NRBP2: variants seen among roughly 807,000 people sequenced by gnomAD.
NRBP2 encodes the protein nuclear receptor binding protein 2.
Under a neutral mutation model 74.4 loss-of-function variants are expected in NRBP2, and 47 were observed. The observed-to-expected ratio is 0.63, with a 90% CI of 0.50 to 0.81. The LOEUF (loss-of-function observed/expected upper bound fraction) is 0.81. Ranked by LOEUF, NRBP2 falls within the 30% of genes least tolerant of loss-of-function variation. The probability of loss-of-function intolerance (pLI) is 0.00; values close to 1 mark genes in which losing one functional copy is unlikely to be tolerated. For missense variants in NRBP2, 613 were observed against 690.1 expected, an observed-to-expected ratio of 0.89 and a Z score of 1.25; for synonymous variants, 312 against 273.8, an observed-to-expected ratio of 1.14 and a Z score of -1.38.
In NRBP2 at chr8:143,835,548, G is replaced by A. The variant is rs1363958342; in HGVS notation, c.*114C>T. 2.3e-6 allele frequency: 2 copies of A among 876,038 alleles called. No individual in the cohort carries two copies. Among genetic ancestry groups the A allele is most frequent in the Non-Finnish European group, 3.5e-6 (2 of 570,198 alleles). 54.3% of individuals were successfully genotyped at this position (876,038 alleles called of 1,614,324 possible). On this transcript the variant is annotated 3_prime_UTR_variant, in exon 18 of 18. Coordinates refer to ENST00000442628, the MANE Select transcript of NRBP2 (RefSeq NM_178564.4). This position sits in a 1 kb window ranked among gnomAD's most constrained non-coding sequence, Gnocchi z 4.9. Reference sequence around the variant, plus strand: ...AGACGGGGGGTTCCTTCACTACCGGGGCCTTTGTGCTCCCAGGCGCATGGA... The same window carrying A: ...AGACGGGGGGTTCCTTCACTACCGGAGCCTTTGTGCTCCCAGGCGCATGGA...
rs782807303 is a variant in NRBP2, at chr8:143,838,865, G to A, written c.744+18C>T. The A allele has an allele frequency of 6.2e-7, 1 of 1,613,380 alleles. No individual in the cohort carries two copies. The highest frequency in any genetic ancestry group is 8.5e-7 in the Non-Finnish European group (1 of 1,179,722). ...TTAGGAGGAGGGCAGAGCACAAGGT[G>A]GAGGGCGGGGGCAGTACCTCCAGCG... On this transcript the variant is annotated intron_variant, in intron 9 of 17. Coordinates refer to ENST00000442628, the MANE Select transcript of NRBP2 (RefSeq NM_178564.4).
Position 143,837,971 on chromosome 8 carries a change from T to C in NRBP2, c.841-216A>G. 1 of 712,866 alleles carries C rather than the reference T, an allele frequency of 1.4e-6. No individual in the cohort carries two copies. Among genetic ancestry groups the C allele is most frequent in the Non-Finnish European group, 2.5e-6 (1 of 395,534 alleles). 44.2% of individuals were successfully genotyped at this position (712,866 alleles called of 1,614,324 possible). A position where few individuals can be genotyped will look rare whatever the true frequency, so the allele number is the denominator to read the frequency against. On this transcript the variant is annotated intron_variant, in intron 10 of 17. Transcript: ENST00000442628. The surrounding 1 kb of genome is among the most constrained non-coding windows in gnomAD (Gnocchi z 4.3). The stretch of plus-strand genomic sequence containing the variant: ...GCTGGGTTCTGGGATTGGAGCACCA[T>C]GCTCTGCTTCCCTCGACCCCCAAAA...
rs1406327329 is a variant in NRBP2, at chr8:143,833,806, AG to A, written c.*1855del. ...TATGTATTTGCCACTGAAACCATTT[AG>A]AACCATGCATAATCAGACAGTTTAG... is the stretch of plus-strand genomic sequence containing the variant. On this transcript the variant is annotated 3_prime_UTR_variant, in exon 18 of 18. Coordinates refer to ENST00000442628, the MANE Select transcript of NRBP2 (RefSeq NM_178564.4). The A allele has an allele frequency of 6.6e-6, 1 of 152,254 alleles. No homozygotes were observed. The highest frequency in any genetic ancestry group is 1.5e-5 in the Non-Finnish European group (1 of 68,052). 9.4% of individuals were successfully genotyped at this position (152,254 alleles called of 1,614,324 possible).
In NRBP2 at chr8:143,840,423, G is replaced by T; in HGVS notation, c.130-194C>A. On this transcript the variant is annotated intron_variant, in intron 1 of 17. Coordinates refer to ENST00000442628, the MANE Select transcript of NRBP2 (RefSeq NM_178564.4). The surrounding 1 kb of genome is among the most constrained non-coding windows in gnomAD (Gnocchi z 5.7). ...TCCTATCCAAGGGCTGGGCTAAGGG[G>T]ATTTGGAGCAGGTTTCAGGGGGTCG... is the stretch of plus-strand genomic sequence containing the variant. 1 of 785,802 alleles carries T rather than the reference G, an allele frequency of 1.3e-6. No homozygotes were observed. The highest frequency in any genetic ancestry group is 2.0e-6 in the Non-Finnish European group (1 of 508,214). 48.7% of individuals were successfully genotyped at this position (785,802 alleles called of 1,614,324 possible).
rs1042421843 is a variant in NRBP2, at chr8:143,840,326, T to C, written c.130-97A>G. 2.3e-5 allele frequency: 33 copies of C among 1,464,504 alleles called. No individual in the cohort carries two copies. The highest frequency in any genetic ancestry group is 2.6e-5 in the Non-Finnish European group (29 of 1,096,734). The allele number at this position is 1,464,504 out of a possible 1,614,324, so 90.7% of individuals were successfully genotyped here. A position where few individuals can be genotyped will look rare whatever the true frequency, so the allele number is the denominator to read the frequency against. ...CACACCTTTCCAGTGGGCCCAAGCG[T>C]GGGCTGCAGGCCCTGAGCCACTCTG... On this transcript the variant is annotated intron_variant, in intron 1 of 17. Transcript: ENST00000442628. This position sits in a 1 kb window ranked among gnomAD's most constrained non-coding sequence, Gnocchi z 5.7.
At position 143,837,932 on chromosome 8, in the gene NRBP2, T is replaced by C. The variant is rs1439343274; in HGVS notation, c.841-177A>G. On this transcript the variant is annotated intron_variant, in intron 10 of 17. Coordinates refer to ENST00000442628, the MANE Select transcript of NRBP2 (RefSeq NM_178564.4). This position sits in a 1 kb window ranked among gnomAD's most constrained non-coding sequence, Gnocchi z 4.3. ...GCAGCCAGGCCAGGACCTGGTCCTC[T>C]GAGCTTGAGGACAGCTGGGTTCTGG... 3.9e-6 allele frequency: 3 copies of C among 777,642 alleles called. No individual in the cohort carries two copies. The African/African-American group carries it at 5.1e-5, about 13-fold the overall frequency. 48.2% of individuals were successfully genotyped at this position (777,642 alleles called of 1,614,324 possible).
chr8:143,839,912 G>C lies in NRBP2; in HGVS notation c.354+17C>G. ...TAGCTGTGGTCTCTGCCTGCCCGGG[G>C]CCTTGCCCGTGCTCACCCTCGCGCA... On this transcript the variant is annotated intron_variant, in intron 3 of 17. Coordinates refer to ENST00000442628, the MANE Select transcript of NRBP2 (RefSeq NM_178564.4). The surrounding 1 kb of genome is among the most constrained non-coding windows in gnomAD (Gnocchi z 5.1). The C allele has an allele frequency of 1.3e-6, 2 of 1,535,588 alleles. No homozygotes were observed. The highest frequency in any genetic ancestry group is 1.7e-6 in the Non-Finnish European group (2 of 1,146,384).
Position 143,840,392 on chromosome 8 carries a change from A to C in NRBP2, c.130-163T>G, listed in dbSNP as rs2130562673. On this transcript the variant is annotated intron_variant, in intron 1 of 17. Transcript: ENST00000442628. The surrounding 1 kb of genome is among the most constrained non-coding windows in gnomAD (Gnocchi z 5.7). Reference sequence around the variant, plus strand: ...TGGAGGGTAGCTGCCCCCAGGAGCCAAGGGCTCCTATCCAAGGGCTGGGCT... The same window carrying C: ...TGGAGGGTAGCTGCCCCCAGGAGCCCAGGGCTCCTATCCAAGGGCTGGGCT... 15 of 940,412 alleles carry C rather than the reference A, an allele frequency of 1.6e-5. No homozygotes were observed. Among genetic ancestry groups the C allele is most frequent in the South Asian group, 5.2e-5 (3 of 57,728 alleles). 58.3% of individuals were successfully genotyped at this position (940,412 alleles called of 1,614,324 possible).
chr8:143,838,921 CGGT>C lies in NRBP2; in HGVS notation c.703_705del (p.Thr235del). On this transcript the variant is annotated inframe_deletion, in exon 9 of 18. Transcript: ENST00000442628. The stretch of plus-strand genomic sequence containing the variant: ...ATCCCAAAGGAGAAGATGTCCACAG[CGGT>C]CCCATCGGCCACCTCTGAACAGAAG... 1 of 1,609,464 alleles carries C rather than the reference CGGT, an allele frequency of 6.2e-7. No individual in the cohort carries two copies. The highest frequency in any genetic ancestry group is 8.5e-7 in the Non-Finnish European group (1 of 1,177,960).
rs1414518287 is a variant in NRBP2 at position 143,836,116 on chromosome 8, G to T, written c.1317+11C>A. The T allele has an allele frequency of 8.1e-6, 13 of 1,601,708 alleles. No homozygotes were observed. Among genetic ancestry groups the T allele is most frequent in the Non-Finnish European group, 1.1e-5 (13 of 1,176,090 alleles). On this transcript the variant is annotated intron_variant, in intron 15 of 17. Transcript: ENST00000442628. ...CCCCACGGCAGCGCCGCCCTCCCAG[G>T]CCCCGCTCACATGCCAGCGCGCCTT...
rs889653317 is a variant in NRBP2, at chr8:143,840,087, G to A, written c.252+20C>T. The A allele has an allele frequency of 9.8e-6, 15 of 1,536,026 alleles. No homozygotes were observed. The highest frequency in any genetic ancestry group is 2.0e-5 in the Admixed American group (1 of 50,990). On this transcript the variant is annotated intron_variant, in intron 2 of 17. Coordinates refer to ENST00000442628, the MANE Select transcript of NRBP2 (RefSeq NM_178564.4). This position sits in a 1 kb window ranked among gnomAD's most constrained non-coding sequence, Gnocchi z 5.7. Reference sequence around the variant, plus strand: ...GCAGGTGGTCACCCAAGCAGGATGAGGAGGGGGCAGCGGTCTCACCTCGTG... The same window carrying A: ...GCAGGTGGTCACCCAAGCAGGATGAAGAGGGGGCAGCGGTCTCACCTCGTG...
rs571141753 is a variant in NRBP2, at chr8:143,839,093, T to G, written c.612A>C (p.Pro204=). The G allele has an allele frequency of 6.6e-7, 1 of 1,524,556 alleles. No individual in the cohort carries two copies. Among genetic ancestry groups the G allele is most frequent in the Admixed American group, 2.0e-5 (1 of 50,466 alleles). The allele number at this position is 1,524,556 out of a possible 1,614,324, so 94.4% of individuals were successfully genotyped here. A position where few individuals can be genotyped will look rare whatever the true frequency, so the allele number is the denominator to read the frequency against. Residue 204 remains proline, a synonymous_variant, in exon 8 of 18, where the codon CCA becomes CCC. Transcript: ENST00000442628. The surrounding 1 kb of genome is among the most constrained non-coding windows in gnomAD (Gnocchi z 5.1). ...VWHRIFSNAL[P]DDLRSPIRAE... The stretch of plus-strand genomic sequence containing the variant: ...CGCGGATGGGGCTTCGGAGATCATC[T>G]GGAAGTGCTGTGGGAGGGCGCAGAG...
At chr8:143,838,642 G>T in intron 10 of NRBP2, 38 bp downstream of exon 10, 2 of 1,496,838 alleles carry the variant, frequency 1.3e-6, no homozygotes, top group South Asian at 1.2e-5. Flanking sequence ...AGCTGAGCAC[G>T]GTGAGCCAGC....
rs1818295675 is a variant in NRBP2, at chr8:143,834,970, G to A, written c.*692C>T. 1 of 152,592 alleles carries A rather than the reference G, an allele frequency of 6.6e-6. No homozygotes were observed. Among genetic ancestry groups the A allele is most frequent in the Non-Finnish European group, 1.5e-5 (1 of 68,306 alleles). The allele number at this position is 152,592 out of a possible 1,614,324, so 9.5% of individuals were successfully genotyped here. A position where few individuals can be genotyped will look rare whatever the true frequency, so the allele number is the denominator to read the frequency against. ...ATGAGAGAAAAAGCCCATTGGAGGG[G>A]CTGCAGTGGCCAGAGGAGATCTGCA... On this transcript the variant is annotated 3_prime_UTR_variant, in exon 18 of 18. Transcript: ENST00000442628.
In NRBP2 at chr8:143,837,791, G is replaced by A. The variant is rs960053226; in HGVS notation, c.841-36C>T. On this transcript the variant is annotated intron_variant, in intron 10 of 17. Coordinates refer to ENST00000442628, the MANE Select transcript of NRBP2 (RefSeq NM_178564.4). The surrounding 1 kb of genome is among the most constrained non-coding windows in gnomAD (Gnocchi z 4.3). ...GGGAGGAGAGGCTGGTGGTGTGCAA[G>A]GGCTCTCTGCTCTGGCCCCGCAGTT... 5.2e-6 allele frequency: 8 copies of A among 1,552,698 alleles called. No individual in the cohort carries two copies. The highest frequency in any genetic ancestry group is 1.4e-5 in the African/African-American group (1 of 73,458).
Position 143,838,870 on chromosome 8 carries a change from G to A in NRBP2, c.744+13C>T, listed in dbSNP as rs917707398. Reference sequence around the variant, plus strand: ...AGGAGGGCAGAGCACAAGGTGGAGGGCGGGGGCAGTACCTCCAGCGCACAC... The same window carrying A: ...AGGAGGGCAGAGCACAAGGTGGAGGACGGGGGCAGTACCTCCAGCGCACAC... On this transcript the variant is annotated intron_variant, in intron 9 of 17. Transcript: ENST00000442628. The A allele has an allele frequency of 6.2e-7, 1 of 1,613,378 alleles. No individual in the cohort carries two copies. Among genetic ancestry groups the A allele is most frequent in the African/African-American group, 1.3e-5 (1 of 75,058 alleles).
intron 15 of NRBP2, 39 bp from the exon 16 acceptor site, chr8:143,836,069 G>T: frequency 6.3e-7 from 1 of 1,575,304 alleles, no homozygotes; most frequent in Non-Finnish European, 8.6e-7. Context: ...GGGGGTTCAG[G>T]GCTCCGCCAC....
chr8:143,839,329 T>C lies in NRBP2; in HGVS notation c.565A>G (p.Ile189Val). The C allele has an allele frequency of 2.5e-6, 4 of 1,582,398 alleles. No homozygotes were observed. Among genetic ancestry groups the C allele is most frequent in the Non-Finnish European group, 3.4e-6 (4 of 1,171,648 alleles). ...CCGCCAGCACCGGAGCCGATCTTGA[T>C]GAGGCCGTTGTGCTGAATGAAGATG... Reference protein sequence around the residue: ...DTIFIQHNGLIKIGSVWHRIF... With the variant: ...DTIFIQHNGLVKIGSVWHRIF... Residue 189 changes from isoleucine to valine, a missense_variant, in exon 6 of 18, where the codon ATC becomes GTC. This residue lies in a region of NRBP2 where 332 missense variants were observed against 429.2 expected (regional missense o/e 0.77). Coordinates refer to ENST00000442628, the MANE Select transcript of NRBP2 (RefSeq NM_178564.4). The surrounding 1 kb of genome is among the most constrained non-coding windows in gnomAD (Gnocchi z 5.1).
chr8:143,830,769 A>G (rs563140164), downstream of NRBP2, among the ~76,000 whole-genome samples: 8 of 152,360 alleles, frequency 5.3e-5, no homozygotes, highest in Non-Finnish European at 1.2e-4. Flanking sequence ...GAAGAAACAG[A>G]GACGATAAAG....
Sources: gnomAD v4.1 joint callset for allele counts (sites outside exome capture counted in the v4.1 genomes callset) on GRCh38, gnomAD v4.1.1 for gene constraint, gnomAD v4.1.1 regional missense constraint, Gnocchi (gnomAD v3.1) non-coding constraint, MANE v1.5 for transcripts, NCBI Gene and HGNC (gene_info 2026-07-23, HGNC 2026-07-21) for gene names.